The following DIP2C variants were observed in gnomAD, a reference collection of about 807,000 sequenced individuals.
The protein encoded by DIP2C is DIP2 acetate--CoA ligase C (putative).
A neutral mutation model predicts 192.4 loss-of-function variants in DIP2C; 33 were observed. The observed-to-expected ratio is 0.17, with a 90% CI of 0.13 to 0.23. DIP2C has a LOEUF of 0.23. DIP2C is among the 10% of genes least tolerant of loss of function. The pLI is 1.00. For missense variants in DIP2C, 1,537 were observed against 2,110.1 expected, an observed-to-expected ratio of 0.73 and a Z score of 5.32; for synonymous variants, 979 against 864.1, an observed-to-expected ratio of 1.13 and a Z score of -2.33.
intron 4 of DIP2C, among the ~76,000 whole-genome samples, chr10:428,675 T>C (rs955818931): frequency 6.6e-6 from 1 of 152,174 alleles, no homozygotes; most frequent in African/African-American, 2.4e-5. Context: ...TGGACACAGG[T>C]GTTTGACATC....
chr10:317,303 C>T (rs1186070179), intron 31 of DIP2C, among the ~76,000 whole-genome samples: 3 of 152,334 alleles, frequency 2.0e-5, no homozygotes, highest in East Asian at 1.9e-4. Flanking sequence ...CACTGGCTTT[C>T]GTAAAGTTTG....
intron 3 of DIP2C, among the ~76,000 whole-genome samples, chr10:449,711 G>C (rs1207261367): frequency 1.3e-5 from 2 of 148,740 alleles, no homozygotes; most frequent in Non-Finnish European, 3.0e-5. Flanking sequence ...CAGCGCACCA[G>C]CATGGCACAT....
chr10:347,484 T>A (rs1305085392), intron 26 of DIP2C, among the ~76,000 whole-genome samples: 16 of 21,956 alleles, frequency 7.3e-4, no homozygotes, highest in Admixed American at 2.1e-3. Context: ...AACCCCACAC[T>A]CACCCGGACA....
intron 1 of DIP2C, among the ~76,000 whole-genome samples, chr10:589,316 A>G (rs1244159292): frequency 6.6e-6 from 1 of 152,070 alleles, no homozygotes; most frequent in Non-Finnish European, 1.5e-5. Context: ...GGTGTCTTTT[A>G]TATTAAAAGT....
At chr10:481,683 G>T (rs964757654) in intron 2 of DIP2C, among the ~76,000 whole-genome samples, 2 of 152,266 alleles carry the variant, frequency 1.3e-5, no homozygotes, top group African/African-American at 4.8e-5. Context: ...ACCTGAGGCA[G>T]TGGAAGGTCT....
At chr10:447,047 T>C (rs753299746) in intron 3 of DIP2C, among the ~76,000 whole-genome samples, 8 of 152,224 alleles carry the variant, frequency 5.3e-5, no homozygotes, top group Non-Finnish European at 1.0e-4. Flanking sequence ...TGTGAGATTT[T>C]TGTCTCGCAT....
chr10:543,908 C>A (rs1017526922), intron 1 of DIP2C, among the ~76,000 whole-genome samples: 1 of 152,276 alleles, frequency 6.6e-6, no homozygotes, highest in African/African-American at 2.4e-5. Flanking sequence ...AGAGTCAGCA[C>A]CTGCTGCTTC....
At chr10:419,283 T>G in intron 5 of DIP2C, 84 bp from the exon 6 acceptor site, 2 of 1,588,484 alleles carry the variant, frequency 1.3e-6, no homozygotes, top group Non-Finnish European at 1.7e-6. Context: ...AGGAAGAGAC[T>G]GAAGCACAGG....
chr10:408,409 C>A (rs992759623), intron 9 of DIP2C, among the ~76,000 whole-genome samples: 15 of 152,104 alleles, frequency 9.9e-5, no homozygotes, highest in Non-Finnish European at 2.1e-4. Context: ...AGAGGCCAAA[C>A]GTGTTCAATA....
intron 1 of DIP2C, among the ~76,000 whole-genome samples, chr10:525,118 T>G (rs558821801): frequency 6.6e-6 from 1 of 152,284 alleles, no homozygotes; most frequent in East Asian, 1.9e-4. Flanking sequence ...AAATCTAAAA[T>G]ACAGAAAAGC....
chr10:349,796 G>A (rs570885152), intron 24 of DIP2C, among the ~76,000 whole-genome samples: 1 of 152,210 alleles, frequency 6.6e-6, no homozygotes, highest in Non-Finnish European at 1.5e-5. Context: ...TCTGGGACTT[G>A]TGTCATTGTC....
chr10:440,486 C>A (rs548254313), intron 4 of DIP2C, among the ~76,000 whole-genome samples: 77 of 152,290 alleles, frequency 5.1e-4, no homozygotes, highest in African/African-American at 1.8e-3. Context: ...AACAATACAA[C>A]AATATAGCAC....
intron 4 of DIP2C, among the ~76,000 whole-genome samples, chr10:431,048 A>G (rs1966850906): frequency 6.6e-6 from 1 of 152,158 alleles, no homozygotes; most frequent in African/African-American, 2.4e-5. Context: ...TGGGCTCTCT[A>G]TTCTGTCCCA....
chr10:615,623 A>AC (rs1202684094), intron 1 of DIP2C, among the ~76,000 whole-genome samples: 12 of 149,372 alleles, frequency 8.0e-5, no homozygotes, highest in African/African-American at 2.8e-4. Flanking sequence ...ATACACACAC[A>AC]CACCCGCCCC....
intron 1 of DIP2C, chr10:662,026 G>A (rs758585238): frequency 1.4e-5 from 10 of 715,644 alleles, no homozygotes; most frequent in Middle Eastern, 4.6e-4. Context: ...TGCCCCGCAG[G>A]AGCCTGGCCT....
intron 1 of DIP2C, among the ~76,000 whole-genome samples, chr10:622,549 G>C (rs1853936756): frequency 6.6e-6 from 1 of 152,128 alleles, no homozygotes; most frequent in African/African-American, 2.4e-5. Context: ...GGCTGTAATT[G>C]GAGTTGACAA....
In DIP2C at chr10:414,904, A is replaced by C. The variant is rs925229368; in HGVS notation, c.860-794T>G. On this transcript the variant is annotated intron_variant, in intron 7 of 36. Transcript: ENST00000280886. ...TGTGTGTGTGTGTATATATATATAT[A>C]TATTTTTTTTTTTTTTTGGTAGAGA... Among the ~76,000 whole-genome samples the C allele has an allele frequency of 1.2e-3, 91 of 77,798 alleles. 1 individual carries two copies. The highest frequency in any genetic ancestry group is 3.6e-3 in the African/African-American group (81 of 22,310). 51.0% of individuals were successfully genotyped at this position (77,798 alleles called of 152,430 possible).
At chr10:579,085 C>T (rs1334545078) in intron 1 of DIP2C, among the ~76,000 whole-genome samples, 1 of 152,082 alleles carries the variant, frequency 6.6e-6, no homozygotes, top group African/African-American at 2.4e-5. Flanking sequence ...ATAGAGCATA[C>T]ACACATGCAG....
chr10:596,359 G>A (rs1368006405), intron 1 of DIP2C, among the ~76,000 whole-genome samples: 8 of 151,754 alleles, frequency 5.3e-5, no homozygotes, highest in South Asian at 2.1e-4. Flanking sequence ...AAAATTAGCC[G>A]GGCGCAGGTG....
Sources: gnomAD v4.1 joint callset for allele counts (sites outside exome capture counted in the v4.1 genomes callset) on GRCh38, gnomAD v4.1.1 for gene constraint, MANE v1.5 for transcripts, NCBI Gene and HGNC (gene_info 2026-07-23, HGNC 2026-07-21) for gene names.